COL12A1: variants seen among roughly 807,000 people sequenced by gnomAD.
COL12A1 encodes collagen type XII alpha 1 chain.
Under a neutral mutation model 349.7 loss-of-function variants are expected in COL12A1, and 114 were observed. The observed-to-expected ratio is 0.33, with a 90% CI of 0.28 to 0.38. COL12A1 has a LOEUF of 0.38. Ranked by LOEUF, COL12A1 falls within the 10% of genes least tolerant of loss-of-function variation. The pLI, the probability that COL12A1 is intolerant of heterozygous loss-of-function variation, is 1.00. For synonymous variants in COL12A1, 1,369 were observed against 1,329.0 expected (o/e 1.03, Z -0.66); for missense variants, 3,284 against 3,756.9 (o/e 0.87, Z 3.29).
intron 43 of COL12A1, 80 bp from the exon 44 acceptor site, chr6:75,121,521 A>T (rs951725375): frequency 3.5e-6 from 5 of 1,417,426 alleles, no homozygotes; most frequent in Non-Finnish European, 4.7e-6. Flanking sequence ...TGAAAATGCA[A>T]TATAACACCT....
At chr6:75,183,685 A>G in intron 9 of COL12A1, 33 bp from the exon 10 acceptor site, 3 of 1,562,840 alleles carry the variant, frequency 1.9e-6, no homozygotes, top group Non-Finnish European at 1.7e-6. Flanking sequence ...TTAAACTTCA[A>G]TACATATTAA....
At chr6:75,173,748 G>C (rs2149449585) in intron 13 of COL12A1, among the ~76,000 whole-genome samples, 1 of 152,210 alleles carries the variant, frequency 6.6e-6, no homozygotes, top group South Asian at 2.1e-4. Context: ...TCTAAGAACT[G>C]CCTATTGTAT....
In COL12A1 at chr6:75,194,845, A is replaced by G. The variant is rs1770135564; in HGVS notation, c.176T>C (p.Val59Ala). Reference protein sequence around the residue: ...VDPIVGYRITVDPTTDGPTKE... With the variant: ...VDPIVGYRITADPTTDGPTKE... ...TCAAAACTTACCCGTTGTAGGGTCC[A>G]CCGTTATTCTGTAACCCACAATTGG... is the stretch of plus-strand genomic sequence containing the variant. Residue 59 changes from valine to alanine, a missense_variant, in exon 3 of 66, where the codon GTG (valine) becomes GCG (alanine). This residue lies in a region of COL12A1 where 2,601 missense variants were observed against 2,824.8 expected (regional missense o/e 0.92). Coordinates refer to ENST00000322507, the MANE Select transcript of COL12A1 (RefSeq NM_004370.6). 12 of 1,609,274 alleles carry G rather than the reference A, an allele frequency of 7.5e-6. No individual in the cohort carries two copies. The highest frequency in any genetic ancestry group is 1.0e-5 in the Non-Finnish European group (12 of 1,177,018).
At chr6:75,191,589 T>C (rs2050679041) in intron 5 of COL12A1, 112 bp downstream of exon 5, 1 of 580,632 alleles carries the variant, frequency 1.7e-6, no homozygotes, top group Admixed American at 3.3e-5. Context: ...ATAAAGCTTA[T>C]ATAAATTAAT....
intron 58 of COL12A1, among the ~76,000 whole-genome samples, chr6:75,100,458 G>A (rs1258731416): frequency 6.6e-6 from 1 of 151,962 alleles, no homozygotes. Flanking sequence ...TACTCTCACT[G>A]TTGTCCTTTA....
rs756809634 is a variant in COL12A1 at position 75,102,003 on chromosome 6, C to T, written c.8465G>A (p.Arg2822Gln). ...GDAGEPGLPG[R>Q]TGTPGLPGPP... ...GCAACTTAGAGACCAACTCACTGTT[C>T]GGCCTGGAAGTCCTGGCTCTCCAGC... Residue 2822 changes from arginine (R) to glutamine (Q), a missense_variant, in exon 57 of 66, where the codon CGA (arginine) becomes CAA (glutamine). Around this residue, in one of 2 missense-constraint regions of COL12A1, gnomAD observed 683 missense variants for 932.1 expected, o/e 0.73. Coordinates refer to ENST00000322507, the MANE Select transcript of COL12A1 (RefSeq NM_004370.6). The T allele has an allele frequency of 3.8e-5, 62 of 1,614,118 alleles. No individual in the cohort carries two copies. The highest frequency in any genetic ancestry group is 4.9e-5 in the Non-Finnish European group (58 of 1,180,012).
At chr6:75,091,808 A>C (rs1316751444) in intron 60 of COL12A1, among the ~76,000 whole-genome samples, 1 of 151,872 alleles carries the variant, frequency 6.6e-6, no homozygotes, top group African/African-American at 2.4e-5. Flanking sequence ...TGGACCATGC[A>C]CACTTTTTAC....
chr6:75,138,018 C>T (rs147549316), intron 30 of COL12A1, among the ~76,000 whole-genome samples: 98 of 152,022 alleles, frequency 6.4e-4, no homozygotes, highest in Middle Eastern at 3.4e-3. Context: ...CACCCAGAAA[C>T]GAATTGAATA....
chr6:75,132,190 T>C, intron 34 of COL12A1, 108 bp from the exon 35 acceptor site: 1 of 1,324,616 alleles, frequency 7.5e-7, no homozygotes, highest in Non-Finnish European at 1.0e-6. Flanking sequence ...AATGCTATCT[T>C]CTTTATACTT....
At chr6:75,133,725 C>T (rs1766431002) in intron 33 of COL12A1, 133 bp downstream of exon 33, 1 of 1,063,844 alleles carries the variant, frequency 9.4e-7, no homozygotes. Context: ...TATTTACCCT[C>T]TATAAAGTCT....
At position 75,113,318 on chromosome 6, in the gene COL12A1, A is replaced by G. The variant is rs370332191; in HGVS notation, c.7841-5T>C. ...ATGATAACGTCTTGCTAGAAGCTGT[A>G]ATCAACATAAAAGTGTTATTAAATC... On this transcript the variant is annotated splice_polypyrimidine_tract_variant and splice_region_variant and intron_variant, in intron 50 of 65. Coordinates refer to ENST00000322507, the MANE Select transcript of COL12A1 (RefSeq NM_004370.6). 1 of 1,519,864 alleles carries G rather than the reference A, an allele frequency of 6.6e-7. No homozygotes were observed. The highest frequency in any genetic ancestry group is 8.8e-7 in the Non-Finnish European group (1 of 1,130,396). 94.1% of individuals were successfully genotyped at this position (1,519,864 alleles called of 1,614,324 possible).
chr6:75,100,556 A>T (rs1460674204), intron 58 of COL12A1, among the ~76,000 whole-genome samples: 1 of 152,194 alleles, frequency 6.6e-6, no homozygotes, highest in Non-Finnish European at 1.5e-5. Context: ...TCCACATCCC[A>T]TATCCCAGAA....
intron 13 of COL12A1, among the ~76,000 whole-genome samples, chr6:75,167,962 G>C (rs146119242): frequency 1.3e-4 from 20 of 152,226 alleles, no homozygotes; most frequent in African/African-American, 4.3e-4. Flanking sequence ...ACACTATTTT[G>C]AGTGAACACT....
intron 51 of COL12A1, among the ~76,000 whole-genome samples, chr6:75,110,983 G>C (rs551875947): frequency 2.6e-5 from 4 of 151,948 alleles, no homozygotes; most frequent in Non-Finnish European, 4.4e-5. Context: ...CAATTTGCAA[G>C]ATGCTAGATC....
At chr6:75,115,552 C>T (rs1045973600) in intron 49 of COL12A1, among the ~76,000 whole-genome samples, 4 of 152,146 alleles carry the variant, frequency 2.6e-5, no homozygotes, top group Admixed American at 6.6e-5. Flanking sequence ...CTGTTACCAG[C>T]ATGAGCTTCT....
intron 14 of COL12A1, among the ~76,000 whole-genome samples, chr6:75,162,081 G>C (rs1562252961): frequency 6.6e-6 from 1 of 152,162 alleles, no homozygotes; most frequent in Non-Finnish European, 1.5e-5. Flanking sequence ...ACTGCCCAAA[G>C]TAATTTATAG....
chr6:75,090,238 C>T lies in COL12A1; in HGVS notation c.8813G>A (p.Arg2938His), dbSNP rs752206319. The T allele has an allele frequency of 8.7e-6, 14 of 1,613,716 alleles. No homozygotes were observed. In the South Asian group the frequency reaches 1.1e-4, roughly 13 times the overall value. ...TGGACCCGGCGGGCCTGGCTGGTTGCGACTGGACTGGTAATCATTTGGAAT... is the reference window on the plus strand; with the variant it reads ...TGGACCCGGCGGGCCTGGCTGGTTGTGACTGGACTGGTAATCATTTGGAAT... ...NQIPNDYQSSRNQPGPPGPPG... is the reference protein window; with the variant it reads ...NQIPNDYQSSHNQPGPPGPPG... The change falls in exon 63 of 66, where the codon CGC becomes CAC. Residue 2938 changes from arginine (R) to histidine (H), a missense_variant. Transcript: ENST00000322507. The surrounding 1 kb of genome is among the most constrained non-coding windows in gnomAD (Gnocchi z 4.1).
chr6:75,091,608 A>G, intron 60 of COL12A1, 83 bp from the exon 61 acceptor site: 1 of 1,342,554 alleles, frequency 7.4e-7, no homozygotes, highest in East Asian at 2.3e-5. Flanking sequence ...ATGAACGAGA[A>G]CAAGTTCTGT....
chr6:75,160,274 T>A (rs1237724514), intron 14 of COL12A1, among the ~76,000 whole-genome samples: 1 of 152,200 alleles, frequency 6.6e-6, no homozygotes, highest in Admixed American at 6.5e-5. Context: ...GTGTCCCTTC[T>A]GCTGGCTTTC....
Sources: gnomAD v4.1 joint callset for allele counts (sites outside exome capture counted in the v4.1 genomes callset) on GRCh38, gnomAD v4.1.1 for gene constraint, gnomAD v4.1.1 regional missense constraint, Gnocchi (gnomAD v3.1) non-coding constraint, MANE v1.5 for transcripts, NCBI Gene and HGNC (gene_info 2026-07-23, HGNC 2026-07-21) for gene names.